ATP10A: variants seen among roughly 807,000 people sequenced by gnomAD.
ATP10A encodes the protein ATPase phospholipid transporting 10A (putative), also known as phospholipid-transporting ATPase VA.
In ATP10A, 111 loss-of-function variants were observed where a neutral mutation model predicts 147.8. That is an observed-to-expected ratio of 0.75 (90% CI 0.64 to 0.88). ATP10A has a LOEUF of 0.88. Ranked by LOEUF, ATP10A falls within the 40% of genes least tolerant of loss-of-function variation. The pLI, the probability that ATP10A is intolerant of heterozygous loss-of-function variation, is 0.00. For synonymous variants in ATP10A, 875 were observed against 841.6 expected, an observed-to-expected ratio of 1.04 and a Z score of -0.69; for missense variants, 1,927 against 1,959.0, an observed-to-expected ratio of 0.98 and a Z score of 0.31.
chr15:25,689,741 A>G (rs1053122558), intron 15 of ATP10A, among the ~76,000 whole-genome samples: 4 of 152,238 alleles, frequency 2.6e-5, no homozygotes, highest in African/African-American at 9.6e-5. Flanking sequence ...TCAAAGCTGC[A>G]TCTCTGGGCA....
intron 1 of ATP10A, among the ~76,000 whole-genome samples, chr15:25,785,116 G>A (rs997904648): frequency 6.6e-6 from 1 of 151,996 alleles, no homozygotes; most frequent in South Asian, 2.1e-4. Flanking sequence ...TGGAGCACCC[G>A]GCAAGGAGCC....
At chr15:25,859,685 A>T (rs1255126314) in intron 1 of ATP10A, among the ~76,000 whole-genome samples, 1 of 152,150 alleles carries the variant, frequency 6.6e-6, no homozygotes, top group Non-Finnish European at 1.5e-5. Flanking sequence ...GAAGGAGGAA[A>T]CAGGACTGCT....
At chr15:25,785,026 C>T (rs184732493) in intron 1 of ATP10A, among the ~76,000 whole-genome samples, 3 of 152,118 alleles carry the variant, frequency 2.0e-5, no homozygotes, top group Non-Finnish European at 2.9e-5. Flanking sequence ...GAAGGAACAG[C>T]GGGACAGGCC....
rs370866466 is a variant in ATP10A, at chr15:25,687,662, C to G, written c.3291+41G>C. 5 of 1,372,816 alleles carry G rather than the reference C, an allele frequency of 3.6e-6. No homozygotes were observed. In the African/African-American group the frequency reaches 5.9e-5, roughly 16 times the overall value. 85.0% of individuals were successfully genotyped at this position (1,372,816 alleles called of 1,614,324 possible). A position where few individuals can be genotyped will look rare whatever the true frequency, so the allele number is the denominator to read the frequency against. Reference sequence around the variant, plus strand: ...TCAGGCGATGGTCCTAAGAACCGAACCTTCCAATCCCAAAACTCTAGACAG... The same window carrying G: ...TCAGGCGATGGTCCTAAGAACCGAAGCTTCCAATCCCAAAACTCTAGACAG... On this transcript the variant is annotated intron_variant, in intron 16 of 20. Transcript: ENST00000555815.
At position 25,861,198 on chromosome 15, in the gene ATP10A, G is replaced by A. The variant is rs1487074418; in HGVS notation, c.449+1450C>T. Among the ~76,000 whole-genome samples, 5 of 152,164 alleles carry A rather than the reference G, an allele frequency of 3.3e-5. No homozygotes were observed. The East Asian group carries it at 5.8e-4, about 18-fold the overall frequency. ...GCCATCATATAAGAGTTACGTGCAC[G>A]CTAATCTAATACATTCCTGGGCTCA... is the stretch of plus-strand genomic sequence containing the variant. On this transcript the variant is annotated intron_variant, in intron 1 of 20. Coordinates refer to ENST00000555815, the MANE Select transcript of ATP10A (RefSeq NM_024490.4).
At chr15:25,673,532 A>T (rs1313572030), downstream of ATP10A, among the ~76,000 whole-genome samples, 1 of 152,198 alleles carries the variant, frequency 6.6e-6, no homozygotes, top group Non-Finnish European at 1.5e-5. Flanking sequence ...TTTCACAAGC[A>T]TGAACTGGAC....
chr15:25,832,542 C>T (rs1892403777), intron 1 of ATP10A, among the ~76,000 whole-genome samples: 1 of 151,850 alleles, frequency 6.6e-6, no homozygotes, highest in Non-Finnish European at 1.5e-5. Context: ...CTTATGCTTA[C>T]AGGTCCTATG....
intron 1 of ATP10A, among the ~76,000 whole-genome samples, chr15:25,853,550 G>A (rs911319280): frequency 6.6e-6 from 1 of 152,124 alleles, no homozygotes; most frequent in Non-Finnish European, 1.5e-5. Context: ...CCCCGGTTGT[G>A]AGTACCAGTG....
chr15:25,778,730 C>G (rs1889747972), intron 2 of ATP10A, among the ~76,000 whole-genome samples: 1 of 152,104 alleles, frequency 6.6e-6, no homozygotes, highest in African/African-American at 2.4e-5. Context: ...GAGTTTCAAA[C>G]ATCTAACTTG....
At chr15:25,772,698 G>A (rs780273464) in intron 2 of ATP10A, among the ~76,000 whole-genome samples, 2 of 152,162 alleles carry the variant, frequency 1.3e-5, no homozygotes, top group Non-Finnish European at 2.9e-5. Flanking sequence ...TGAGTGGAAC[G>A]ACCCTGAAGA....
intron 1 of ATP10A, among the ~76,000 whole-genome samples, chr15:25,846,878 T>C (rs1344718904): frequency 6.6e-6 from 1 of 152,226 alleles, no homozygotes; most frequent in Non-Finnish European, 1.5e-5. Flanking sequence ...AGATATAAGA[T>C]ATTTATGCAT....
At chr15:25,809,704 G>T (rs1891346001) in intron 1 of ATP10A, among the ~76,000 whole-genome samples, 1 of 101,414 alleles carries the variant, frequency 9.9e-6, no homozygotes, top group South Asian at 3.4e-4. Flanking sequence ...CCACAGACGG[G>T]CTGGGAAGGC....
chr15:25,843,513 C>T (rs1241922010), intron 1 of ATP10A, among the ~76,000 whole-genome samples: 2 of 152,118 alleles, frequency 1.3e-5, no homozygotes, highest in African/African-American at 4.8e-5. Flanking sequence ...AAGAGTTACT[C>T]CTCTCTGTGC....
At chr15:25,796,752 A>G (rs945280064) in intron 1 of ATP10A, among the ~76,000 whole-genome samples, 3 of 152,238 alleles carry the variant, frequency 2.0e-5, no homozygotes, top group African/African-American at 7.2e-5. Context: ...TGGGTCAACT[A>G]GGCCACAGGA....
At chr15:25,731,881 G>T (rs1262304047) in intron 3 of ATP10A, among the ~76,000 whole-genome samples, 1 of 152,024 alleles carries the variant, frequency 6.6e-6, no homozygotes, top group Non-Finnish European at 1.5e-5. Context: ...TTTCAGATAG[G>T]GTCTCGCTCT....
intron 1 of ATP10A, among the ~76,000 whole-genome samples, chr15:25,786,056 A>G (rs1366221091): frequency 6.6e-6 from 1 of 152,260 alleles, no homozygotes; most frequent in Non-Finnish European, 1.5e-5. Context: ...GTCATCACTG[A>G]GAGCACCAGG....
At chr15:25,783,285 C>A (rs770653094) in intron 1 of ATP10A, among the ~76,000 whole-genome samples, 13 of 152,138 alleles carry the variant, frequency 8.5e-5, no homozygotes, top group Admixed American at 6.5e-5. Context: ...CATCCTACAC[C>A]CCCCATAAAA....
intron 1 of ATP10A, among the ~76,000 whole-genome samples, chr15:25,802,093 G>A (rs956815755): frequency 6.6e-6 from 1 of 152,184 alleles, no homozygotes; most frequent in Non-Finnish European, 1.5e-5. Flanking sequence ...ATTTTCCTGT[G>A]TTGACTCGGT....
chr15:25,756,346 A>C (rs746684488), intron 2 of ATP10A, among the ~76,000 whole-genome samples: 2 of 152,198 alleles, frequency 1.3e-5, no homozygotes, highest in Non-Finnish European at 2.9e-5. Context: ...AATTGGCTTA[A>C]AGAAAAGTGA....
Sources: gnomAD v4.1 joint callset for allele counts (sites outside exome capture counted in the v4.1 genomes callset) on GRCh38, gnomAD v4.1.1 for gene constraint, MANE v1.5 for transcripts, NCBI Gene and HGNC (gene_info 2026-07-23, HGNC 2026-07-21) for gene names.